The following MDFIC2 variants were observed in gnomAD, a reference collection of about 807,000 sequenced individuals.
MDFIC2 encodes the protein MyoD family inhibitor domain containing 2.
rs777472373 is a variant in MDFIC2 at position 70,196,973 on chromosome 3, C to A, written c.523G>T (p.Glu175Ter). Residue 175 changes from glutamate (E) to a stop codon, truncating the protein, a stop_gained, in exon 4 of 4, where the codon GAG (glutamate) becomes TAG (stop). Transcript: ENST00000567252. LOFTEE classifies it high-confidence loss of function. The stretch of plus-strand genomic sequence containing the variant: ...ATCTCCATGGCCAGTTCCAGACACT[C>A]GCTGGTCTCATGGCAAGATTCAAAA... ...SLFESCHETS[E>*]CLELAMEISE... is the part of the protein sequence containing the mutation. 2.5e-6 allele frequency: 1 copy of A among 398,418 alleles called. No individual in the cohort carries two copies. The highest frequency in any genetic ancestry group is 2.1e-5 in the African/African-American group (1 of 48,630). The allele number at this position is 398,418 out of a possible 1,614,324, so 24.7% of individuals were successfully genotyped here.
At chr3:70,288,271 T>C (rs1426530844) in intron 2 of MDFIC2, among the ~76,000 whole-genome samples, 1 of 122,662 alleles carries the variant, frequency 8.2e-6, no homozygotes, top group Non-Finnish European at 1.7e-5. Flanking sequence ...TTTGTTCTCG[T>C]TGGTTTCAAA....
chr3:70,264,896 C>A (rs143337209), intron 2 of MDFIC2, among the ~76,000 whole-genome samples: 2 of 152,080 alleles, frequency 1.3e-5, no homozygotes, highest in South Asian at 4.2e-4. Flanking sequence ...ACAGGAAAGA[C>A]GATTAATTGA....
At chr3:70,248,352 A>G (rs1357342918) in intron 2 of MDFIC2, among the ~76,000 whole-genome samples, 2 of 152,062 alleles carry the variant, frequency 1.3e-5, no homozygotes, top group African/African-American at 4.8e-5. Flanking sequence ...TGGAGAAAAA[A>G]TTTTGAAAAG....
rs1265094052 is a variant in MDFIC2, at chr3:70,195,152, C to T, written c.*1774G>A. 6.6e-6 allele frequency among the ~76,000 whole-genome samples: 1 copy of T among 152,256 alleles called. No homozygotes were observed. The highest frequency in any genetic ancestry group is 1.9e-4 in the East Asian group (1 of 5,170). ...CAGTTCATGGGGCCTCTCTTTTCCC[C>T]TGTGAAATATAAAAAGGTTGCATAA... On this transcript the variant is annotated 3_prime_UTR_variant, in exon 4 of 4. Transcript: ENST00000567252.
At chr3:70,239,208 A>G (rs7628347) in intron 2 of MDFIC2, among the ~76,000 whole-genome samples, 13,894 of 152,252 alleles carry the variant, frequency 0.091, 1,086 homozygotes, top group African/African-American at 0.22. Context: ...TACTCAGTTC[A>G]ACTATGTCAT....
At chr3:70,291,751 GAT>G (rs1393202062) in intron 2 of MDFIC2, 1 of 152,146 alleles carries the variant, frequency 6.6e-6, no homozygotes, top group Non-Finnish European at 1.5e-5. Flanking sequence ...AGTTCAAGAT[GAT>G]ATGTCTTTTC....
At chr3:70,234,846 C>T (rs547693203) in intron 2 of MDFIC2, among the ~76,000 whole-genome samples, 64 of 152,216 alleles carry the variant, frequency 4.2e-4, no homozygotes, top group Admixed American at 3.7e-3. Context: ...CATGGAATGC[C>T]TCCTCTTCTT....
At chr3:70,209,070 T>C (rs1403156031) in intron 2 of MDFIC2, among the ~76,000 whole-genome samples, 2 of 152,080 alleles carry the variant, frequency 1.3e-5, no homozygotes, top group Non-Finnish European at 2.9e-5. Context: ...ATGATGATGG[T>C]GATGAAAATC....
chr3:70,289,114 G>A (rs1702199360), intron 2 of MDFIC2, among the ~76,000 whole-genome samples: 1 of 151,364 alleles, frequency 6.6e-6, no homozygotes, highest in East Asian at 2.0e-4. Context: ...GATGTTAGCT[G>A]GTGATTTTGC....
chr3:70,298,649 C>T (rs983341884), intron 2 of MDFIC2, among the ~76,000 whole-genome samples: 2 of 152,086 alleles, frequency 1.3e-5, no homozygotes, highest in African/African-American at 4.8e-5. Flanking sequence ...GGGAATCCAA[C>T]TGAATGAGTA....
intron 2 of MDFIC2, among the ~76,000 whole-genome samples, chr3:70,286,806 A>C (rs911472830): frequency 1.3e-5 from 2 of 152,086 alleles, no homozygotes; most frequent in African/African-American, 4.8e-5. Flanking sequence ...TAGGTATTTT[A>C]TTCTCTTTGA....
At chr3:70,226,617 A>T (rs1031392899) in intron 2 of MDFIC2, among the ~76,000 whole-genome samples, 7 of 151,848 alleles carry the variant, frequency 4.6e-5, no homozygotes, top group Non-Finnish European at 1.0e-4. Context: ...GGGTGCCTGT[A>T]ATCCCAGCTT....
intron 2 of MDFIC2, among the ~76,000 whole-genome samples, chr3:70,289,938 G>T (rs1371383378): frequency 6.6e-6 from 1 of 151,788 alleles, no homozygotes; most frequent in Non-Finnish European, 1.5e-5. Flanking sequence ...TCTCTCTATT[G>T]GTTATTCTAG....
chr3:70,246,067 C>T (rs1701705566), intron 2 of MDFIC2, among the ~76,000 whole-genome samples: 1 of 151,390 alleles, frequency 6.6e-6, no homozygotes, highest in African/African-American at 2.4e-5. Context: ...TTCTTTTATT[C>T]CCAAAAGATA....
chr3:70,224,258 G>A (rs951901666), intron 2 of MDFIC2, among the ~76,000 whole-genome samples: 1 of 152,196 alleles, frequency 6.6e-6, no homozygotes, highest in African/African-American at 2.4e-5. Flanking sequence ...ACATGCACCT[G>A]ACATGTTGCA....
chr3:70,267,394 C>CTTTT (rs9310185), intron 2 of MDFIC2, among the ~76,000 whole-genome samples: 1 of 74,842 alleles, frequency 1.3e-5, no homozygotes, highest in African/African-American at 5.5e-5. Flanking sequence ...TTTTTAATAG[C>CTTTT]TTTTTTTTTT....
At chr3:70,231,052 A>G (rs1701555001) in intron 2 of MDFIC2, among the ~76,000 whole-genome samples, 1 of 152,228 alleles carries the variant, frequency 6.6e-6, no homozygotes, top group Non-Finnish European at 1.5e-5. Context: ...TGCATTTGCA[A>G]CAAATGCTTT....
intron 2 of MDFIC2, among the ~76,000 whole-genome samples, chr3:70,212,479 A>G (rs1013379465): frequency 6.6e-6 from 1 of 151,976 alleles, no homozygotes; most frequent in Non-Finnish European, 1.5e-5. Context: ...CTGTCCCTCC[A>G]TCCAATCATT....
At chr3:70,264,764 C>A (rs1174419019) in intron 2 of MDFIC2, among the ~76,000 whole-genome samples, 1 of 152,164 alleles carries the variant, frequency 6.6e-6, no homozygotes, top group African/African-American at 2.4e-5. Context: ...TGTGATGAAT[C>A]TCATGATAGG....
Sources: gnomAD v4.1 joint callset for allele counts (sites outside exome capture counted in the v4.1 genomes callset) on GRCh38, gnomAD v4.1.1 for gene constraint, MANE v1.5 for transcripts, NCBI Gene and HGNC (gene_info 2026-07-23, HGNC 2026-07-21) for gene names.